The following AHI1 variants were observed in gnomAD, a reference collection of about 807,000 sequenced individuals.
The protein encoded by AHI1 is jouberin.
Under a neutral mutation model 149.3 loss-of-function variants are expected in AHI1, and 123 were observed. That is an observed-to-expected ratio of 0.82 (90% CI 0.71 to 0.96). The LOEUF (loss-of-function observed/expected upper bound fraction) is 0.96, where lower values mean the gene tolerates loss of function less well. Ranked by LOEUF, AHI1 falls within the 40% of genes least tolerant of loss-of-function variation. AHI1 has a pLI of 0.00. For synonymous variants in AHI1, 475 were observed against 459.8 expected (o/e 1.03, Z -0.42); for missense variants, 1,439 against 1,422.7 (o/e 1.01, Z -0.18).
chr6:135,394,249 A>C (rs1033498568), intron 23 of AHI1, among the ~76,000 whole-genome samples: 4 of 152,058 alleles, frequency 2.6e-5, no homozygotes, highest in Admixed American at 6.6e-5. Context: ...TCCTTTAAAA[A>C]CCTTATTGAA....
intron 23 of AHI1, among the ~76,000 whole-genome samples, chr6:135,370,684 G>A (rs2128455683): frequency 6.6e-6 from 1 of 152,258 alleles, no homozygotes; most frequent in East Asian, 1.9e-4. Flanking sequence ...ACATCTCTTT[G>A]ATGGCTTTTT....
intron 25 of AHI1, 121 bp from the exon 26 acceptor site, chr6:135,318,737 C>A: frequency 1.7e-6 from 1 of 576,442 alleles, no homozygotes; most frequent in Non-Finnish European, 2.9e-6. Context: ...CCTTGGTGTA[C>A]CAATAAGATA....
chr6:135,314,030 A>C (rs772481401), intron 26 of AHI1, among the ~76,000 whole-genome samples: 1 of 152,210 alleles, frequency 6.6e-6, no homozygotes, highest in African/African-American at 2.4e-5. Flanking sequence ...AACCCTTTAC[A>C]CCAATGTTAT....
intron 23 of AHI1, among the ~76,000 whole-genome samples, chr6:135,371,034 A>G (rs1774976445): frequency 6.6e-6 from 1 of 152,188 alleles, no homozygotes; most frequent in Non-Finnish European, 1.5e-5. Context: ...ATCAAGATTA[A>G]ACTTTTAGAA....
At chr6:135,323,988 C>T (rs937517522) in intron 24 of AHI1, among the ~76,000 whole-genome samples, 3 of 152,170 alleles carry the variant, frequency 2.0e-5, no homozygotes, top group East Asian at 3.9e-4. Flanking sequence ...CTTTTGAAAA[C>T]CCAAGTCAAA....
intron 14 of AHI1, among the ~76,000 whole-genome samples, chr6:135,439,582 T>C (rs559846305): frequency 2.6e-4 from 39 of 152,330 alleles, no homozygotes; most frequent in African/African-American, 8.4e-4. Flanking sequence ...AAAAAAATCA[T>C]ATGTTGAGGT....
At chr6:135,404,862 G>A in intron 22 of AHI1, 89 bp downstream of exon 22, 1 of 1,180,552 alleles carries the variant, frequency 8.5e-7, no homozygotes, top group Admixed American at 1.8e-5. Flanking sequence ...CTCTTATAAA[G>A]GTTCCAAACT....
chr6:135,359,914 A>G (rs532439822), intron 23 of AHI1, among the ~76,000 whole-genome samples: 212 of 152,244 alleles, frequency 1.4e-3, no homozygotes, highest in African/African-American at 4.6e-3. Context: ...AAAAAACTCT[A>G]CAGATTTTAG....
Position 135,405,084 on chromosome 6 carries a change from G to T in AHI1, c.2962-107C>A, listed in dbSNP as rs1386107645. Reference sequence around the variant, plus strand: ...TTCTAATAACCTAAATCAGCATTTGGAAGTTTCTTTATCCATTATCCTGCC... The same window carrying T: ...TTCTAATAACCTAAATCAGCATTTGTAAGTTTCTTTATCCATTATCCTGCC... On this transcript the variant is annotated intron_variant, in intron 21 of 28. Coordinates refer to ENST00000265602, the MANE Select transcript of AHI1 (RefSeq NM_001134831.2). The T allele has an allele frequency of 5.3e-6, 5 of 934,664 alleles. No individual in the cohort carries two copies. The African/African-American group carries it at 8.3e-5, about 15-fold the overall frequency. The allele number at this position is 934,664 out of a possible 1,614,324, so 57.9% of individuals were successfully genotyped here.
chr6:135,357,159 A>T (rs1443273819), intron 24 of AHI1, among the ~76,000 whole-genome samples: 1 of 152,236 alleles, frequency 6.6e-6, no homozygotes, highest in Admixed American at 6.5e-5. Context: ...GGATGGTCTC[A>T]ATCTCCTGAC....
chr6:135,492,459 G>C, intron 3 of AHI1, 168 bp from the exon 4 acceptor site: 1 of 1,254,498 alleles, frequency 8.0e-7, no homozygotes, highest in Non-Finnish European at 1.0e-6. Context: ...GGGTACATTT[G>C]AATCAGTTTA....
intron 22 of AHI1, 66 bp downstream of exon 22, chr6:135,404,885 C>T: frequency 7.1e-7 from 1 of 1,406,192 alleles, no homozygotes; most frequent in South Asian, 1.2e-5. Flanking sequence ...ATGAATGGTG[C>T]ATTCCAGTTC....
chr6:135,448,901 T>G (rs1787661058), intron 11 of AHI1, among the ~76,000 whole-genome samples: 1 of 152,240 alleles, frequency 6.6e-6, no homozygotes, highest in African/African-American at 2.4e-5. Context: ...TGTTTTAAAT[T>G]TTTAAAAAGT....
intron 23 of AHI1, among the ~76,000 whole-genome samples, chr6:135,380,740 C>CCG (rs1776634720): frequency 8.1e-6 from 1 of 122,848 alleles, no homozygotes; most frequent in South Asian, 2.7e-4. Flanking sequence ...AACCCCCCCC[C>CCG]CCCCAAAAAA....
At position 135,465,280 on chromosome 6, in the gene AHI1, C is replaced by T. The variant is rs963097251; in HGVS notation, c.749+534G>A. ...ATAAATATGTGTATGTTCACTTAAC[C>T]TCACACTCTATATAGAAGTACATAC... On this transcript the variant is annotated intron_variant, in intron 7 of 28. Transcript: ENST00000265602. Among the ~76,000 whole-genome samples, 38 of 152,024 alleles carry T rather than the reference C, an allele frequency of 2.5e-4. 1 individual carries two copies. Among genetic ancestry groups the T allele is most frequent in the South Asian group, 4.2e-4 (2 of 4,816 alleles).
At chr6:135,449,997 G>C (rs925382335) in intron 11 of AHI1, among the ~76,000 whole-genome samples, 1 of 152,178 alleles carries the variant, frequency 6.6e-6, no homozygotes, top group Admixed American at 6.5e-5. Flanking sequence ...ACTCAGTTTG[G>C]AGGAATCTGA....
At chr6:135,294,620 G>A (rs760659129) in intron 27 of AHI1, among the ~76,000 whole-genome samples, 4 of 142,284 alleles carry the variant, frequency 2.8e-5, no homozygotes, top group Admixed American at 7.5e-5. Context: ...GCTGATTTCA[G>A]CAAAGGTGCA....
At chr6:135,331,482 C>T (rs956330717) in intron 24 of AHI1, among the ~76,000 whole-genome samples, 2 of 152,104 alleles carry the variant, frequency 1.3e-5, no homozygotes, top group African/African-American at 4.8e-5. Flanking sequence ...GTCTGCCAGG[C>T]TGTTGTAAGA....
Position 135,467,079 on chromosome 6 carries a change from C to A in AHI1, c.189+502G>T, listed in dbSNP as rs184750702. 3.3e-5 allele frequency among the ~76,000 whole-genome samples: 5 copies of A among 152,278 alleles called. No homozygotes were observed. The East Asian group carries it at 9.6e-4, about 29-fold the overall frequency. The stretch of plus-strand genomic sequence containing the variant: ...CTGGGATGAACAGCTCTGTTTCCCA[C>A]CTCCATTTGTGTTGACTTTCACCCA... On this transcript the variant is annotated intron_variant, in intron 6 of 28. Transcript: ENST00000265602.
Sources: gnomAD v4.1 joint callset for allele counts (sites outside exome capture counted in the v4.1 genomes callset) on GRCh38, gnomAD v4.1.1 for gene constraint, MANE v1.5 for transcripts, NCBI Gene and HGNC (gene_info 2026-07-23, HGNC 2026-07-21) for gene names.